NEO1: variants seen among roughly 807,000 people sequenced by gnomAD.
The protein encoded by NEO1 is neogenin 1, also known as neogenin.
A neutral mutation model predicts 159.7 loss-of-function variants in NEO1; 63 were observed. The observed-to-expected ratio is 0.39, with a 90% CI of 0.32 to 0.49. The LOEUF is 0.49. Ranked by LOEUF, NEO1 falls within the 20% of genes least tolerant of loss-of-function variation. NEO1 has a pLI of 0.85. For missense variants in NEO1, 1,615 were observed against 1,831.0 expected (o/e 0.88, Z 2.15); for synonymous variants, 633 against 662.0 (o/e 0.96, Z 0.67).
intron 5 of NEO1, among the ~76,000 whole-genome samples, chr15:73,157,573 A>G (rs1323696243): frequency 1.3e-5 from 2 of 152,186 alleles, no homozygotes; most frequent in Non-Finnish European, 2.9e-5. Flanking sequence ...TACTGGGGAT[A>G]CATTCCTGAT....
chr15:73,236,312 C>A, intron 7 of NEO1, 35 bp from the exon 8 acceptor site: 2 of 1,614,110 alleles, frequency 1.2e-6, no homozygotes, highest in Non-Finnish European at 1.7e-6. Context: ...CATTACCTCC[C>A]ACTTCACTGA....
At chr15:73,208,698 C>CA in intron 7 of NEO1, among the ~76,000 whole-genome samples, 1 of 151,860 alleles carries the variant, frequency 6.6e-6, no homozygotes, top group Non-Finnish European at 1.5e-5. Flanking sequence ...GCCGTCTCTA[C>CA]AAAAAACACA....
At chr15:73,111,479 TC>T (rs1184285452) in intron 1 of NEO1, among the ~76,000 whole-genome samples, 1 of 152,186 alleles carries the variant, frequency 6.6e-6, no homozygotes, top group Non-Finnish European at 1.5e-5. Flanking sequence ...AAATTAAAAA[TC>T]AACTGAAATC....
chr15:73,298,927 C>G (rs1053063109), intron 27 of NEO1, among the ~76,000 whole-genome samples: 2 of 152,116 alleles, frequency 1.3e-5, no homozygotes, highest in African/African-American at 2.4e-5. Context: ...TCTAGTCTGC[C>G]CAGACCCCTG....
At chr15:73,190,079 T>A (rs2036155907) in intron 7 of NEO1, among the ~76,000 whole-genome samples, 2 of 152,156 alleles carry the variant, frequency 1.3e-5, no homozygotes, top group South Asian at 2.1e-4. Flanking sequence ...TTTATAATTA[T>A]CTATTAAATT....
intron 7 of NEO1, among the ~76,000 whole-genome samples, chr15:73,230,171 G>C (rs2038823025): frequency 1.3e-5 from 2 of 152,086 alleles, no homozygotes; most frequent in African/African-American, 4.8e-5. Context: ...AAGCCATTTG[G>C]ACTTAGAATT....
intron 7 of NEO1, among the ~76,000 whole-genome samples, chr15:73,217,529 C>T (rs1252968475): frequency 1.2e-4 from 18 of 152,246 alleles, no homozygotes; most frequent in Non-Finnish European, 2.4e-4. Flanking sequence ...GCAGTATGGC[C>T]ATTTTCACGA....
intron 2 of NEO1, among the ~76,000 whole-genome samples, chr15:73,122,104 ATATATT>A (rs2071699360): frequency 1.3e-5 from 1 of 74,962 alleles, no homozygotes; most frequent in African/African-American, 6.7e-5. Context: ...TACACATTAT[ATATATT>A]ATATATATGT....
intron 7 of NEO1, among the ~76,000 whole-genome samples, chr15:73,202,334 A>T (rs1178758257): frequency 6.6e-6 from 1 of 152,116 alleles, no homozygotes; most frequent in Non-Finnish European, 1.5e-5. Context: ...ATAATCACTA[A>T]TACATGAAGA....
At chr15:73,060,757 C>T (rs1053876803) in intron 1 of NEO1, among the ~76,000 whole-genome samples, 1 of 152,106 alleles carries the variant, frequency 6.6e-6, no homozygotes, top group African/African-American at 2.4e-5. Flanking sequence ...AGGTGATCCC[C>T]AGCCTCAGCC....
chr15:73,167,121 G>A (rs539054156), intron 5 of NEO1, among the ~76,000 whole-genome samples: 1 of 126,332 alleles, frequency 7.9e-6, no homozygotes, highest in Admixed American at 9.1e-5. Context: ...ACCAGGGCCT[G>A]TCATGGGGTG....
intron 25 of NEO1, among the ~76,000 whole-genome samples, chr15:73,289,657 T>C (rs1046306226): frequency 1.3e-5 from 2 of 152,146 alleles, no homozygotes; most frequent in African/African-American, 4.8e-5. Context: ...TTAATAGATT[T>C]GAAGGCCAAG....
At chr15:73,273,728 A>G in intron 19 of NEO1, 83 bp from the exon 20 acceptor site, 2 of 917,452 alleles carry the variant, frequency 2.2e-6, no homozygotes, top group East Asian at 2.5e-5. Flanking sequence ...TATTCATATG[A>G]TATAATAGGT....
intron 8 of NEO1, among the ~76,000 whole-genome samples, chr15:73,242,939 C>A (rs2039568458): frequency 6.6e-6 from 1 of 152,184 alleles, no homozygotes; most frequent in African/African-American, 2.4e-5. Flanking sequence ...CTGTCTTGTT[C>A]AAGCATCAGC....
intron 15 of NEO1, among the ~76,000 whole-genome samples, chr15:73,264,854 A>G (rs1229502644): frequency 6.6e-6 from 1 of 152,238 alleles, no homozygotes; most frequent in Non-Finnish European, 1.5e-5. Flanking sequence ...AATGTCCCAG[A>G]CACTGTGCTA....
At chr15:73,288,225 C>T in intron 23 of NEO1, 88 bp from the exon 24 acceptor site, 2 of 1,274,622 alleles carry the variant, frequency 1.6e-6, no homozygotes, top group South Asian at 2.7e-5. Context: ...AAACATCTCT[C>T]AGAAAGGAAG....
At chr15:73,154,919 TTTC>T (rs1211226415) in intron 5 of NEO1, among the ~76,000 whole-genome samples, 2 of 152,188 alleles carry the variant, frequency 1.3e-5, no homozygotes. Context: ...AAATTTGTTG[TTTC>T]TTCTTCTGTC....
At chr15:73,133,016 C>T (rs1033000866) in intron 4 of NEO1, among the ~76,000 whole-genome samples, 15 of 152,108 alleles carry the variant, frequency 9.9e-5, no homozygotes, top group Non-Finnish European at 2.1e-4. Context: ...TTCGATCCAG[C>T]AATCCCGTTC....
In NEO1 at chr15:73,052,517, G is replaced by C. The variant is rs919220652; in HGVS notation, c.-159G>C. ...CGCCCTGGAGTCTCCCCTCCAGCGAGAGGGGCTGCGCGGGCCGGGCCGGGC... is the reference window on the plus strand; with the variant it reads ...CGCCCTGGAGTCTCCCCTCCAGCGACAGGGGCTGCGCGGGCCGGGCCGGGC... On this transcript the variant is annotated 5_prime_UTR_variant, in exon 1 of 29. Transcript: ENST00000261908. 3 of 233,042 alleles carry C rather than the reference G, an allele frequency of 1.3e-5. No homozygotes were observed. Among genetic ancestry groups the C allele is most frequent in the African/African-American group, 7.1e-5 (3 of 42,106 alleles). The allele number at this position is 233,042 out of a possible 1,614,324, so 14.4% of individuals were successfully genotyped here. A position where few individuals can be genotyped will look rare whatever the true frequency, so the allele number is the denominator to read the frequency against.
Sources: allele counts gnomAD v4.1 joint callset (sites outside exome capture counted in the v4.1 genomes callset), GRCh38; gene constraint gnomAD v4.1.1; transcripts MANE v1.5; gene names NCBI Gene and HGNC (gene_info 2026-07-23, HGNC 2026-07-21).